QSOX1: variants seen among roughly 807,000 people sequenced by gnomAD.
QSOX1 encodes the protein quiescin sulfhydryl oxidase 1, also known as sulfhydryl oxidase 1.
QSOX1 carries 40 observed loss-of-function variants against 76.1 expected under a neutral mutation model. The observed-to-expected ratio is 0.53, with a 90% CI of 0.41 to 0.68. QSOX1 has a LOEUF of 0.68. Among genes scored for constraint, QSOX1 ranks in the 30% least tolerant of loss-of-function variants. The pLI is 0.00. For missense variants in QSOX1, 931 were observed against 974.3 expected, an observed-to-expected ratio of 0.96 and a Z score of 0.59; for synonymous variants, 392 against 413.1, an observed-to-expected ratio of 0.95 and a Z score of 0.62.
rs771091426 is a variant in QSOX1, at chr1:180,190,393, T to C, written c.1141-40T>C. 1.7e-5 allele frequency: 27 copies of C among 1,587,976 alleles called. 1 individual carries two copies. The South Asian group carries it at 3.0e-4, about 18-fold the overall frequency. On this transcript the variant is annotated intron_variant, in intron 9 of 11. Transcript: ENST00000367602. ...TCTGTCTCTGCCTCTCCCATCCTTT[T>C]CCTTCTCCATATGTGCACTCACACT...
intron 2 of QSOX1, among the ~76,000 whole-genome samples, chr1:180,173,369 C>T (rs181261551): frequency 2.0e-4 from 31 of 152,294 alleles, no homozygotes; most frequent in African/African-American, 7.0e-4. Flanking sequence ...TCAATACGAT[C>T]TCCTAATCAA....
intron 1 of QSOX1, among the ~76,000 whole-genome samples, chr1:180,163,061 A>G (rs1315827190): frequency 6.6e-6 from 1 of 152,152 alleles, no homozygotes; most frequent in Non-Finnish European, 1.5e-5. Flanking sequence ...CAATACTTCA[A>G]GAAAACCTTG....
At position 180,173,057 on chromosome 1, in the gene QSOX1, A is replaced by G. The variant is rs73040417; in HGVS notation, c.367-2264A>G. On this transcript the variant is annotated intron_variant, in intron 2 of 11. Coordinates refer to ENST00000367602, the MANE Select transcript of QSOX1 (RefSeq NM_002826.5). The stretch of plus-strand genomic sequence containing the variant: ...CTGTCTGTAAATAAACAAGAGCACC[A>G]TCACCATGAATAACTGCAGCGCAAC... Among the ~76,000 whole-genome samples the G allele has an allele frequency of 4.8e-3, 736 of 152,370 alleles. 14 individuals are homozygous for G. Among genetic ancestry groups the G allele is most frequent in the African/African-American group, 0.017 (704 of 41,596 alleles).
intron 2 of QSOX1, among the ~76,000 whole-genome samples, chr1:180,174,831 CCTCCCCCCAA>C (rs1357855805): frequency 6.6e-6 from 1 of 151,974 alleles, no homozygotes; most frequent in Non-Finnish European, 1.5e-5. Flanking sequence ...CCTAGAGCAA[CCTCCCCCCAA>C]CTCCCCCCAA....
intron 11 of QSOX1, among the ~76,000 whole-genome samples, chr1:180,194,652 G>A (rs896926829): frequency 2.0e-5 from 3 of 152,154 alleles, no homozygotes; most frequent in Non-Finnish European, 4.4e-5. Context: ...GCCTACTGGG[G>A]TCCCTCTCCC....
chr1:180,186,904 T>C (rs974237927), intron 8 of QSOX1, among the ~76,000 whole-genome samples: 2 of 152,248 alleles, frequency 1.3e-5, no homozygotes, highest in Admixed American at 6.5e-5. Flanking sequence ...ATTCCCTCTC[T>C]GCGCCCTTCC....
At position 180,190,460 on chromosome 1, in the gene QSOX1, T is replaced by C; in HGVS notation, c.1168T>C (p.Trp390Arg). ...TGCCGTTCTTGCCAAGAAGGTGAACTGGATTGGCTGCCAGGGGAGTGAGCC... is the reference window on the plus strand; with the variant it reads ...TGCCGTTCTTGCCAAGAAGGTGAACCGGATTGGCTGCCAGGGGAGTGAGCC... ...EGAVLAKKVN[W>R]IGCQGSEPHF... Residue 390 changes from tryptophan to arginine, a missense_variant, in exon 10 of 12, where the codon TGG becomes CGG. Coordinates refer to ENST00000367602, the MANE Select transcript of QSOX1 (RefSeq NM_002826.5). 4.3e-6 allele frequency: 7 copies of C among 1,613,934 alleles called. No homozygotes were observed. Among genetic ancestry groups the C allele is most frequent in the Non-Finnish European group, 5.9e-6 (7 of 1,179,776 alleles).
intron 10 of QSOX1, among the ~76,000 whole-genome samples, chr1:180,193,679 C>T (rs1420409269): frequency 2.1e-5 from 3 of 142,768 alleles, no homozygotes; most frequent in Non-Finnish European, 4.5e-5. Flanking sequence ...TGATGCCAGT[C>T]CAGAGGGTCC....
intron 10 of QSOX1, among the ~76,000 whole-genome samples, chr1:180,191,248 G>A (rs1458407536): frequency 6.6e-6 from 1 of 152,252 alleles, no homozygotes; most frequent in Non-Finnish European, 1.5e-5. Flanking sequence ...GCCCGCTCTT[G>A]GTGGACCTCT....
intron 1 of QSOX1, among the ~76,000 whole-genome samples, chr1:180,157,047 C>A (rs1662391152): frequency 6.6e-6 from 1 of 152,174 alleles, no homozygotes. Flanking sequence ...AGATACTGAC[C>A]CATTCTGCTC....
intron 2 of QSOX1, 39 bp downstream of exon 2, chr1:180,166,630 C>T: frequency 6.4e-7 from 1 of 1,574,782 alleles, no homozygotes. Flanking sequence ...GCTGGGCCTG[C>T]TTTGTTTCCC....
intron 8 of QSOX1, among the ~76,000 whole-genome samples, chr1:180,188,457 C>T (rs1663228319): frequency 6.6e-6 from 1 of 152,344 alleles, no homozygotes; most frequent in South Asian, 2.1e-4. Flanking sequence ...CCTTAGAAGG[C>T]GGAAGTTTCT....
Position 180,198,268 on chromosome 1 carries a change from A to G in QSOX1, c.*1231A>G, listed in dbSNP as rs1249740576. ...CCACCCCCTGCCCCAATCCTCCCTGAGAGCTCCTGCCTCAGTGCCCTGGGC... is the reference window on the plus strand; with the variant it reads ...CCACCCCCTGCCCCAATCCTCCCTGGGAGCTCCTGCCTCAGTGCCCTGGGC... On this transcript the variant is annotated 3_prime_UTR_variant, in exon 12 of 12. Transcript: ENST00000367602. 1 of 456,516 alleles carries G rather than the reference A, an allele frequency of 2.2e-6. No homozygotes were observed. The highest frequency in any genetic ancestry group is 4.4e-6 in the Non-Finnish European group (1 of 226,912). The allele number at this position is 456,516 out of a possible 1,614,324, so 28.3% of individuals were successfully genotyped here.
Position 180,196,136 on chromosome 1 carries a change from C to T in QSOX1, c.1469-126C>T. On this transcript the variant is annotated intron_variant, in intron 11 of 11. Transcript: ENST00000367602. This position sits in a 1 kb window ranked among gnomAD's most constrained non-coding sequence, Gnocchi z 4.1. ...AATCTGTATTTTCTAATTACCCATC[C>T]TCTGGAAGGGCAGTGGCGAGCCCTT... 1 of 1,207,102 alleles carries T rather than the reference C, an allele frequency of 8.3e-7. No homozygotes were observed. Among genetic ancestry groups the T allele is most frequent in the Non-Finnish European group, 1.2e-6 (1 of 869,006 alleles). 74.8% of individuals were successfully genotyped at this position (1,207,102 alleles called of 1,614,324 possible).
chr1:180,156,131 C>T (rs371821211), intron 1 of QSOX1, among the ~76,000 whole-genome samples: 49 of 152,182 alleles, frequency 3.2e-4, no homozygotes, highest in African/African-American at 1.2e-3. Context: ...TTAATATTTA[C>T]GGAGCACCTA....
intron 2 of QSOX1, among the ~76,000 whole-genome samples, chr1:180,169,272 G>C (rs879395821): frequency 6.6e-6 from 1 of 152,226 alleles, no homozygotes; most frequent in Non-Finnish European, 1.5e-5. Context: ...GGGCTTCTCC[G>C]TGGGCCTCAG....
At chr1:180,157,755 C>T (rs977993372) in intron 1 of QSOX1, among the ~76,000 whole-genome samples, 1 of 152,166 alleles carries the variant, frequency 6.6e-6, no homozygotes, top group Non-Finnish European at 1.5e-5. Flanking sequence ...CTGGTTGTAT[C>T]CAATTTAGAC....
chr1:180,169,720 CATCT>C (rs1422579698), intron 2 of QSOX1, among the ~76,000 whole-genome samples: 7 of 152,234 alleles, frequency 4.6e-5, no homozygotes, highest in South Asian at 4.1e-4. Context: ...GCAGTCCATC[CATCT>C]GTCAGCAGCC....
intron 5 of QSOX1, among the ~76,000 whole-genome samples, chr1:180,179,777 TGA>T (rs972193220): frequency 8.5e-5 from 13 of 152,254 alleles, no homozygotes; most frequent in Non-Finnish European, 1.9e-4. Context: ...CAAGCACAGC[TGA>T]GAGTCTGAGC....
Sources: allele counts gnomAD v4.1 joint callset (sites outside exome capture counted in the v4.1 genomes callset), GRCh38; gene constraint gnomAD v4.1.1; non-coding constraint Gnocchi (gnomAD v3.1); transcripts MANE v1.5; gene names NCBI Gene and HGNC (gene_info 2026-07-23, HGNC 2026-07-21).